Variants in COL27A1 observed in about 807,000 individuals in gnomAD.
The protein encoded by COL27A1 is collagen alpha-1(XXVII) chain.
A neutral mutation model predicts 251.3 loss-of-function variants in COL27A1; 106 were observed. The observed-to-expected ratio is 0.42, with a 90% CI of 0.36 to 0.50. The LOEUF (loss-of-function observed/expected upper bound fraction) is 0.50. COL27A1 is among the 20% of genes least tolerant of loss of function. The pLI, the probability that COL27A1 is intolerant of heterozygous loss-of-function variation, is 0.00. For missense variants in COL27A1, 2,325 were observed against 2,522.8 expected (o/e 0.92, Z 1.68); for synonymous variants, 1,000 against 986.3 (o/e 1.01, Z -0.26).
intron 37 of COL27A1, among the ~76,000 whole-genome samples, chr9:114,279,801 T>C (rs1835793574): frequency 6.6e-6 from 1 of 152,158 alleles, no homozygotes; most frequent in Non-Finnish European, 1.5e-5. Flanking sequence ...TTCAGTGAGC[T>C]GAGATTGAGC....
chr9:114,235,556 C>G (rs1309112064), intron 16 of COL27A1, 43 bp from the exon 17 acceptor site: 6 of 1,539,108 alleles, frequency 3.9e-6, no homozygotes, highest in Non-Finnish European at 5.4e-6. Context: ...TTCCAGAACC[C>G]ACGTGGCCTC....
chr9:114,291,000 C>A lies in COL27A1; in HGVS notation c.4476+83C>A. The A allele has an allele frequency of 1.0e-6, 1 of 974,586 alleles. No homozygotes were observed. Among genetic ancestry groups the A allele is most frequent in the Non-Finnish European group, 1.5e-6 (1 of 656,258 alleles). The allele number at this position is 974,586 out of a possible 1,614,324, so 60.4% of individuals were successfully genotyped here. A position where few individuals can be genotyped will look rare whatever the true frequency, so the allele number is the denominator to read the frequency against. ...TCTAGTGGTTCCGACCCTTTGGGCA[C>A]CCATGTCCCAGGGCCTGTGTGAAAA... is the stretch of plus-strand genomic sequence containing the variant. On this transcript the variant is annotated intron_variant, in intron 48 of 60. Coordinates refer to ENST00000356083, the MANE Select transcript of COL27A1 (RefSeq NM_032888.4). This position sits in a 1 kb window ranked among gnomAD's most constrained non-coding sequence, Gnocchi z 4.6.
chr9:114,214,954 G>T (rs1830622677), intron 12 of COL27A1, among the ~76,000 whole-genome samples: 1 of 152,258 alleles, frequency 6.6e-6, no homozygotes. Flanking sequence ...GAGCAGGCTA[G>T]GAAGATGCTG....
chr9:114,170,479 G>A (rs1032290203), intron 3 of COL27A1, among the ~76,000 whole-genome samples: 5 of 152,246 alleles, frequency 3.3e-5, no homozygotes, highest in South Asian at 2.1e-4. Context: ...TCCTGAAGCC[G>A]GCTCTCCCAC....
In COL27A1 at chr9:114,178,181, G is replaced by A. The variant is rs147746522; in HGVS notation, c.1909-110G>A. The A allele has an allele frequency of 2.5e-4, 228 of 901,908 alleles. 2 individuals carry two copies. The East Asian group carries it at 3.7e-3, about 15-fold the overall frequency. 55.9% of individuals were successfully genotyped at this position (901,908 alleles called of 1,614,324 possible). A position where few individuals can be genotyped will look rare whatever the true frequency, so the allele number is the denominator to read the frequency against. ...CCTCAGGGGACTCCTCCTCTTAGCC[G>A]CGGACTATCCATGCCCACAGCTGCA... On this transcript the variant is annotated intron_variant, in intron 3 of 60. Coordinates refer to ENST00000356083, the MANE Select transcript of COL27A1 (RefSeq NM_032888.4).
intron 17 of COL27A1, 133 bp from the exon 18 acceptor site, chr9:114,236,848 A>AAAGG (rs1832433779): frequency 1.5e-5 from 12 of 776,648 alleles, no homozygotes; most frequent in South Asian, 1.4e-4. Flanking sequence ...CACAGCAGGG[A>AAAGG]AAGGAAGGAA....
chr9:114,290,252 G>A lies in COL27A1; in HGVS notation c.4289G>A (p.Gly1430Asp), dbSNP rs761963888. The A allele has an allele frequency of 6.4e-7, 1 of 1,574,194 alleles. No homozygotes were observed. Among genetic ancestry groups the A allele is most frequent in the Non-Finnish European group, 8.6e-7 (1 of 1,159,662 alleles). Residue 1430 changes from glycine (G) to aspartate (D), a missense_variant, in exon 47 of 61, where the codon GGC becomes GAC. Gly to Asp is a moderately conservative substitution (Grantham distance 94). Coordinates refer to ENST00000356083, the MANE Select transcript of COL27A1 (RefSeq NM_032888.4). The surrounding 1 kb of genome is among the most constrained non-coding windows in gnomAD (Gnocchi z 4.6). ...CTGCAGGGGCTGCCAGGGCCCCGGGGCGTGGTGGGGAGACAGGGCCTCGAG... is the reference window on the plus strand; with the variant it reads ...CTGCAGGGGCTGCCAGGGCCCCGGGACGTGGTGGGGAGACAGGGCCTCGAG... Reference protein sequence around the residue: ...QGLQGLPGPRGVVGRQGLEGI... With the variant: ...QGLQGLPGPRDVVGRQGLEGI...
At chr9:114,305,128 T>A (rs1692418285) in intron 57 of COL27A1, among the ~76,000 whole-genome samples, 1 of 152,212 alleles carries the variant, frequency 6.6e-6, no homozygotes, top group African/African-American at 2.4e-5. Context: ...GGGAGTCCCA[T>A]GTCCTCTAGT....
chr9:114,209,726 C>G lies in COL27A1; in HGVS notation c.2320C>G (p.Arg774Gly). 4 of 1,614,062 alleles carry G rather than the reference C, an allele frequency of 2.5e-6. No homozygotes were observed. The South Asian group carries it at 4.4e-5, about 18-fold the overall frequency. Residue 774 changes from arginine to glycine, a missense_variant and splice_region_variant, in exon 11 of 61, where the codon CGA becomes GGA. Around this residue, in one of 4 missense-constraint regions of COL27A1, gnomAD observed 1,183 missense variants for 1,144.1 expected, o/e 1.03. Transcript: ENST00000356083. ...LFGLPGSDGERGLPGVPGKRG... is the reference protein window; with the variant it reads ...LFGLPGSDGEGGLPGVPGKRG... Reference sequence around the variant, plus strand: ...CGGCCTGCCAGGGTCTGATGGAGAACGAGTAAGTTTGCTTCTTTGGTTATT... The same window carrying G: ...CGGCCTGCCAGGGTCTGATGGAGAAGGAGTAAGTTTGCTTCTTTGGTTATT...
intron 14 of COL27A1, among the ~76,000 whole-genome samples, chr9:114,229,410 G>A (rs1831763163): frequency 6.6e-6 from 1 of 152,150 alleles, no homozygotes. Context: ...TCCTCCAGGA[G>A]CCAGGGAGGA....
In COL27A1 at chr9:114,167,865, C is replaced by T; in HGVS notation, c.310C>T (p.Leu104Phe). ...CACAGAGCTGGCACTGGTGCTGAGC[C>T]TCTGCTCCCACCGGGTGAACCATGC... ...LGTELALVLSLCSHRVNHAFL... is the reference protein window; with the variant it reads ...LGTELALVLSFCSHRVNHAFL... The change falls in exon 3 of 61, where the codon CTC (leucine) becomes TTC (phenylalanine). Residue 104 changes from leucine to phenylalanine, a missense_variant. Coordinates refer to ENST00000356083, the MANE Select transcript of COL27A1 (RefSeq NM_032888.4). 6.2e-7 allele frequency: 1 copy of T among 1,613,526 alleles called. No homozygotes were observed. The highest frequency in any genetic ancestry group is 8.5e-7 in the Non-Finnish European group (1 of 1,179,996).
At chr9:114,298,036 T>G (rs1431906421) in intron 49 of COL27A1, among the ~76,000 whole-genome samples, 1 of 151,852 alleles carries the variant, frequency 6.6e-6, no homozygotes, top group Non-Finnish European at 1.5e-5. Context: ...CATGGTGGCA[T>G]GTGCCTATAG....
At chr9:114,205,005 C>A (rs749754750) in intron 7 of COL27A1, 97 bp from the exon 8 acceptor site, 3 of 1,138,364 alleles carry the variant, frequency 2.6e-6, no homozygotes, top group Non-Finnish European at 4.0e-6. Context: ...GCAGTACATA[C>A]GGTGCTGAAC....
At chr9:114,189,325 C>G (rs1828593565) in intron 5 of COL27A1, among the ~76,000 whole-genome samples, 1 of 152,164 alleles carries the variant, frequency 6.6e-6, no homozygotes, top group Non-Finnish European at 1.5e-5. Context: ...CCACTGTTTA[C>G]TCTATGATAG....
chr9:114,204,225 G>A (rs1034112519), intron 7 of COL27A1, among the ~76,000 whole-genome samples: 4 of 152,198 alleles, frequency 2.6e-5, no homozygotes, highest in Non-Finnish European at 5.9e-5. Context: ...TGCATAATAA[G>A]TTAGGGACAG....
At chr9:114,280,869 A>G (rs1835857564) in intron 37 of COL27A1, among the ~76,000 whole-genome samples, 1 of 152,210 alleles carries the variant, frequency 6.6e-6, no homozygotes, top group Admixed American at 6.5e-5. Context: ...GTGCTGAATC[A>G]AAGCCAGCCG....
At chr9:114,205,034 G>T in intron 7 of COL27A1, 68 bp from the exon 8 acceptor site, 1 of 1,490,578 alleles carries the variant, frequency 6.7e-7, no homozygotes, top group Non-Finnish European at 9.3e-7. Flanking sequence ...CCGGGAGGCT[G>T]GGCCCTTGCG....
rs758682536 is a variant in COL27A1 at position 114,265,432 on chromosome 9, G to C, written c.3350G>C (p.Gly1117Ala). The C allele has an allele frequency of 6.2e-7, 1 of 1,613,844 alleles. No individual in the cohort carries two copies. The highest frequency in any genetic ancestry group is 1.7e-5 in the Admixed American group (1 of 60,018). ...LGSRGFPGIP[G>A]PSGPPGTKGL... ...ACCTTGTCTCTGCAGGGCATCCCGG[G>C]TCCCTCAGGCCCCCCAGGCACCAAG... Residue 1117 changes from glycine (G) to alanine (A), a missense_variant, in exon 32 of 61, where the codon GGT (glycine) becomes GCT (alanine). Physicochemically the swap from Gly to Ala is moderately conservative, Grantham distance 60. Around this residue, in one of 4 missense-constraint regions of COL27A1, gnomAD observed 662 missense variants for 795.3 expected, o/e 0.83. Coordinates refer to ENST00000356083, the MANE Select transcript of COL27A1 (RefSeq NM_032888.4).
intron 19 of COL27A1, among the ~76,000 whole-genome samples, chr9:114,240,003 G>A (rs890627480): frequency 2.6e-5 from 4 of 152,130 alleles, no homozygotes; most frequent in African/African-American, 4.8e-5. Flanking sequence ...TGCACCGTCC[G>A]GTGTATTGTC....
Sources: allele counts gnomAD v4.1 joint callset (sites outside exome capture counted in the v4.1 genomes callset), GRCh38; gene constraint gnomAD v4.1.1; regional missense constraint gnomAD v4.1.1; non-coding constraint Gnocchi (gnomAD v3.1); transcripts MANE v1.5; gene names NCBI Gene and HGNC (gene_info 2026-07-23, HGNC 2026-07-21).